The following CDC40 variants were observed in gnomAD, a reference collection of about 807,000 sequenced individuals.
CDC40 encodes the protein cell division cycle 40.
In CDC40, 27 loss-of-function variants were observed where a neutral mutation model predicts 80.6. The observed-to-expected ratio is 0.33, with a 90% CI of 0.25 to 0.46. The LOEUF (loss-of-function observed/expected upper bound fraction) is 0.46, where lower values mean the gene tolerates loss of function less well. Ranked by LOEUF, CDC40 falls within the 20% of genes least tolerant of loss-of-function variation. The pLI is 1.00. For missense variants in CDC40, 486 were observed against 694.1 expected (o/e 0.70, Z 3.37); for synonymous variants, 221 against 232.6 (o/e 0.95, Z 0.45).
intron 9 of CDC40, among the ~76,000 whole-genome samples, chr6:110,217,138 A>G (rs186617322): frequency 3.3e-5 from 5 of 152,310 alleles, no homozygotes; most frequent in African/African-American, 7.2e-5. Flanking sequence ...GCAAGCTAAT[A>G]TAGTTTTCAG....
chr6:110,219,643 T>G (rs541259575), intron 11 of CDC40, 93 bp from the exon 12 acceptor site: 2 of 1,412,322 alleles, frequency 1.4e-6, no homozygotes, highest in East Asian at 2.3e-5. Context: ...AATATCGTGT[T>G]GAAGATCTTC....
chr6:110,195,777 GC>G (rs1380119212), intron 2 of CDC40, among the ~76,000 whole-genome samples: 12 of 152,120 alleles, frequency 7.9e-5, no homozygotes, highest in African/African-American at 2.9e-4. Flanking sequence ...GAACAGGAAT[GC>G]CCGAGTCCTT....
intron 13 of CDC40, among the ~76,000 whole-genome samples, chr6:110,226,950 A>AT: frequency 6.6e-6 from 1 of 152,028 alleles, no homozygotes; most frequent in East Asian, 1.9e-4. Context: ...GAGCCAGGAG[A>AT]TTGACTATGA....
intron 2 of CDC40, among the ~76,000 whole-genome samples, chr6:110,196,755 A>T (rs1214102506): frequency 6.6e-6 from 1 of 152,164 alleles, no homozygotes; most frequent in Non-Finnish European, 1.5e-5. Context: ...AAATTTTCTC[A>T]TACTAATATT....
At chr6:110,188,987 A>G (rs191550505) in intron 1 of CDC40, among the ~76,000 whole-genome samples, 80 of 152,334 alleles carry the variant, frequency 5.3e-4, no homozygotes, top group Admixed American at 2.4e-3. Flanking sequence ...GGATTTTATA[A>G]TGCTGAATCA....
chr6:110,209,964 TC>T (rs1241869069), intron 5 of CDC40, among the ~76,000 whole-genome samples: 2 of 152,120 alleles, frequency 1.3e-5, no homozygotes, highest in Non-Finnish European at 2.9e-5. Flanking sequence ...CCCCAGCTCC[TC>T]CCAAAAAAAT....
At chr6:110,203,585 C>A (rs1777520301) in intron 3 of CDC40, among the ~76,000 whole-genome samples, 2 of 152,108 alleles carry the variant, frequency 1.3e-5, no homozygotes, top group Admixed American at 1.3e-4. Context: ...TAATTTTCTT[C>A]CCATTTTTAA....
chr6:110,213,920 A>G (rs1364431472), intron 8 of CDC40, among the ~76,000 whole-genome samples: 1 of 152,126 alleles, frequency 6.6e-6, no homozygotes, highest in East Asian at 1.9e-4. Flanking sequence ...GTCTTGAAAA[A>G]AATTTTGAAT....
chr6:110,210,262 C>T (rs542767924), intron 5 of CDC40, among the ~76,000 whole-genome samples: 38 of 151,718 alleles, frequency 2.5e-4, no homozygotes, highest in Non-Finnish European at 5.9e-5. Context: ...TCAGTCTCTG[C>T]TTATAGAAGA....
chr6:110,192,180 G>A (rs931928819), intron 1 of CDC40, among the ~76,000 whole-genome samples: 2 of 152,144 alleles, frequency 1.3e-5, no homozygotes, highest in African/African-American at 4.8e-5. Context: ...TGGGAAGTGA[G>A]GCTGTAGGTG....
intron 3 of CDC40, among the ~76,000 whole-genome samples, chr6:110,202,703 GT>G (rs1562202705): frequency 1.3e-5 from 2 of 151,076 alleles, no homozygotes; most frequent in East Asian, 1.9e-4. Context: ...TTGTTTGTTT[GT>G]TTTAAGTATC....
chr6:110,190,049 A>G (rs144998640), intron 1 of CDC40, among the ~76,000 whole-genome samples: 14 of 152,216 alleles, frequency 9.2e-5, no homozygotes, highest in African/African-American at 2.9e-4. Context: ...TTTATTGAAT[A>G]TGTGCTGAAT....
chr6:110,190,194 T>C (rs1175071679), intron 1 of CDC40, among the ~76,000 whole-genome samples: 1 of 152,118 alleles, frequency 6.6e-6, no homozygotes, highest in Non-Finnish European at 1.5e-5. Flanking sequence ...ACAGTTTTCC[T>C]GAGGCAGGAG....
At chr6:110,210,200 T>C (rs1777617308) in intron 5 of CDC40, among the ~76,000 whole-genome samples, 1 of 151,818 alleles carries the variant, frequency 6.6e-6, no homozygotes, top group Admixed American at 6.6e-5. Context: ...AAAAGTATTA[T>C]CTAGTATCCA....
chr6:110,210,915 G>A (rs1777629759), intron 6 of CDC40, 112 bp downstream of exon 6: 2 of 432,340 alleles, frequency 4.6e-6, no homozygotes, highest in South Asian at 1.2e-4. Flanking sequence ...AAATCATTAT[G>A]TTAAGTATAA....
At chr6:110,191,186 T>G (rs990817120) in intron 1 of CDC40, among the ~76,000 whole-genome samples, 5 of 152,128 alleles carry the variant, frequency 3.3e-5, no homozygotes, top group Non-Finnish European at 7.4e-5. Flanking sequence ...GGGCTTATGG[T>G]ATGGTATTAT....
In CDC40 at chr6:110,212,212, G is replaced by A; in HGVS notation, c.807G>A (p.Met269Ile). The A allele has an allele frequency of 6.2e-7, 1 of 1,613,794 alleles. No homozygotes were observed. Among genetic ancestry groups the A allele is most frequent in the Non-Finnish European group, 8.5e-7 (1 of 1,179,744 alleles). ...TTGGTGTTAATCTACGGTCAACTAT[G>A]CCACCTGAGAAGTGTTATCTTCCCA... Reference protein sequence around the residue: ...QDVGVNLRSTMPPEKCYLPKK... With the variant: ...QDVGVNLRSTIPPEKCYLPKK... The change falls in exon 7 of 15, where the codon ATG (methionine) becomes ATA (isoleucine). Residue 269 changes from methionine to isoleucine, a missense_variant. By Grantham distance (10) the Met-to-Ile change is conservative. Transcript: ENST00000307731.
chr6:110,205,147 G>C (rs1455508415), intron 3 of CDC40, among the ~76,000 whole-genome samples: 1 of 151,904 alleles, frequency 6.6e-6, no homozygotes, highest in Non-Finnish European at 1.5e-5. Context: ...TTTGCCTAAT[G>C]GAATTAGTTT....
At chr6:110,215,474 C>A in intron 9 of CDC40, 143 bp downstream of exon 9, 1 of 701,682 alleles carries the variant, frequency 1.4e-6, no homozygotes, top group Non-Finnish European at 2.4e-6. Flanking sequence ...TCAGTGTCCC[C>A]AGTTAGACAA....
Sources: allele counts gnomAD v4.1 joint callset (sites outside exome capture counted in the v4.1 genomes callset), GRCh38; gene constraint gnomAD v4.1.1; transcripts MANE v1.5; gene names NCBI Gene and HGNC (gene_info 2026-07-23, HGNC 2026-07-21).